Variants in MED13L observed in about 807,000 individuals in gnomAD.
MED13L encodes mediator complex subunit 13L, also known as mediator of RNA polymerase II transcription subunit 13-like.
Under a neutral mutation model 220.9 loss-of-function variants are expected in MED13L, and 7 were observed. That is an observed-to-expected ratio of 0.03 (90% CI 0.02 to 0.06). The LOEUF (loss-of-function observed/expected upper bound fraction) is 0.06. MED13L is among the 10% of genes least tolerant of loss of function. The pLI, the probability that MED13L is intolerant of heterozygous loss-of-function variation, is 1.00. For missense variants in MED13L, 1,965 were observed against 2,760.5 expected (o/e 0.71, Z 6.46); for synonymous variants, 1,011 against 1,015.2 (o/e 1.00, Z 0.08).
intron 4 of MED13L, among the ~76,000 whole-genome samples, chr12:116,036,282 T>C (rs1353224324): frequency 6.6e-6 from 1 of 152,220 alleles, no homozygotes; most frequent in Non-Finnish European, 1.5e-5. Context: ...AGTTTAATCA[T>C]CAATAGGAGA....
chr12:115,996,258 T>C (rs1011499664), intron 16 of MED13L, among the ~76,000 whole-genome samples: 1 of 151,932 alleles, frequency 6.6e-6, no homozygotes, highest in African/African-American at 2.4e-5. Context: ...GCCCAGCTAA[T>C]TTTTTGTATT....
intron 4 of MED13L, among the ~76,000 whole-genome samples, chr12:116,035,356 C>T (rs1007009347): frequency 1.3e-5 from 2 of 152,000 alleles, no homozygotes; most frequent in Admixed American, 1.3e-4. Flanking sequence ...ATAAATCCCT[C>T]AATATATAAT....
intron 2 of MED13L, among the ~76,000 whole-genome samples, chr12:116,190,177 T>C (rs140373419): frequency 3.1e-4 from 47 of 152,284 alleles, no homozygotes; most frequent in African/African-American, 1.0e-3. Context: ...AAGAATAATC[T>C]TAGCTATAGG....
chr12:116,085,333 GATAA>G (rs1325862635), intron 4 of MED13L, among the ~76,000 whole-genome samples: 6 of 152,140 alleles, frequency 3.9e-5, no homozygotes, highest in African/African-American at 9.6e-5. Flanking sequence ...GAATAACACT[GATAA>G]ATAACCATAC....
chr12:116,239,548 A>G (rs941698163), intron 1 of MED13L, among the ~76,000 whole-genome samples: 3 of 152,174 alleles, frequency 2.0e-5, no homozygotes, highest in Admixed American at 6.5e-5. Context: ...ATAATATTCT[A>G]TTCATTGGAA....
At chr12:116,046,921 T>G (rs774384653) in intron 4 of MED13L, among the ~76,000 whole-genome samples, 1 of 152,014 alleles carries the variant, frequency 6.6e-6, no homozygotes, top group Non-Finnish European at 1.5e-5. Flanking sequence ...TGCAGTGAGC[T>G]GAGATCGCAC....
intron 2 of MED13L, among the ~76,000 whole-genome samples, chr12:116,219,038 T>C (rs1456508866): frequency 6.6e-6 from 1 of 152,184 alleles, no homozygotes; most frequent in Non-Finnish European, 1.5e-5. Context: ...ACCCAGCCTA[T>C]ACCGAAATTC....
At chr12:116,096,624 C>A in intron 4 of MED13L, 45 bp downstream of exon 4, 1 of 1,480,676 alleles carries the variant, frequency 6.8e-7, no homozygotes, top group Non-Finnish European at 9.4e-7. Context: ...CACCCACCCA[C>A]AAGGCCAAAG....
rs538698749 is a variant in MED13L at position 115,992,927 on chromosome 12, C to T, written c.2997-970G>A. On this transcript the variant is annotated intron_variant, in intron 16 of 30. Coordinates refer to ENST00000281928, the MANE Select transcript of MED13L (RefSeq NM_015335.5). The stretch of plus-strand genomic sequence containing the variant: ...AAACATTTTCTTGATATACAGTTGG[C>T]CCTCTATAGCCACAAGTTCCACATC... Among the ~76,000 whole-genome samples, 4 of 152,018 alleles carry T rather than the reference C, an allele frequency of 2.6e-5. No homozygotes were observed. In the South Asian group the frequency reaches 8.3e-4, roughly 32 times the overall value.
chr12:116,150,379 A>G (rs1029500429), intron 2 of MED13L, among the ~76,000 whole-genome samples: 2 of 152,248 alleles, frequency 1.3e-5, no homozygotes, highest in Non-Finnish European at 2.9e-5. Flanking sequence ...CAAATCCAAG[A>G]AGGCAAAAAA....
At chr12:116,264,328 T>C (rs186785258) in intron 1 of MED13L, among the ~76,000 whole-genome samples, 1 of 152,332 alleles carries the variant, frequency 6.6e-6, no homozygotes, top group East Asian at 1.9e-4. Flanking sequence ...TCAGCAGATA[T>C]ATCTCAGTTC....
chr12:116,032,775 G>A (rs926926556), intron 4 of MED13L, among the ~76,000 whole-genome samples: 1 of 152,158 alleles, frequency 6.6e-6, no homozygotes, highest in African/African-American at 2.4e-5. Flanking sequence ...ACAGTGCTCA[G>A]AGGTTCTGTG....
Position 116,171,165 on chromosome 12 carries a change from C to G in MED13L, c.311-59653G>C, listed in dbSNP as rs548679569. ...CGGTCGAAAAGACCCACCCCACAAC[C>G]CTACTCCCTTGATGGTTGCAGACCA... On this transcript the variant is annotated intron_variant, in intron 2 of 30. Coordinates refer to ENST00000281928, the MANE Select transcript of MED13L (RefSeq NM_015335.5). Among the ~76,000 whole-genome samples, 15 of 152,346 alleles carry G rather than the reference C, an allele frequency of 9.8e-5. No homozygotes were observed. The East Asian group carries it at 2.9e-3, about 29-fold the overall frequency.
chr12:116,101,779 G>A (rs922504557), intron 3 of MED13L, among the ~76,000 whole-genome samples: 1 of 152,066 alleles, frequency 6.6e-6, no homozygotes, highest in African/African-American at 2.4e-5. Context: ...AGCTTTGAGG[G>A]TCAAAATTTA....
chr12:115,987,313 G>C (rs757444677), intron 17 of MED13L, 25 bp from the exon 18 acceptor site: 2 of 1,605,260 alleles, frequency 1.2e-6, no homozygotes, highest in Non-Finnish European at 1.7e-6. Flanking sequence ...AGAAGAAACA[G>C]AGAAGATAAG....
At chr12:116,009,318 C>T (rs1049681250) in intron 9 of MED13L, among the ~76,000 whole-genome samples, 186 bp from the exon 10 acceptor site, 1 of 151,990 alleles carries the variant, frequency 6.6e-6, no homozygotes, top group East Asian at 1.9e-4. Flanking sequence ...CAATCACATA[C>T]AAGTTAAGCA....
intron 1 of MED13L, among the ~76,000 whole-genome samples, chr12:116,275,250 T>A (rs956953110): frequency 1.3e-5 from 2 of 152,104 alleles, no homozygotes; most frequent in African/African-American, 4.8e-5. Flanking sequence ...ACCTGACTGA[T>A]ACTAAATGAT....
chr12:116,206,622 T>G (rs754317886), intron 2 of MED13L, among the ~76,000 whole-genome samples: 11 of 150,746 alleles, frequency 7.3e-5, no homozygotes, highest in Non-Finnish European at 1.2e-4. Flanking sequence ...GCAAGTAGCC[T>G]TTTTTTTTCA....
intron 2 of MED13L, chr12:116,230,367 T>C: frequency 1.8e-6 from 1 of 562,852 alleles, no homozygotes; most frequent in South Asian, 7.7e-5. Context: ...ACCACTGCAC[T>C]CCAGCCTGGG....
Sources: allele counts gnomAD v4.1 joint callset (sites outside exome capture counted in the v4.1 genomes callset), GRCh38; gene constraint gnomAD v4.1.1; transcripts MANE v1.5; gene names NCBI Gene and HGNC (gene_info 2026-07-23, HGNC 2026-07-21).